Variants in ADGRL3 observed in about 807,000 individuals in gnomAD.
ADGRL3 encodes the protein calcium-independent alpha-latrotoxin receptor 3.
A neutral mutation model predicts 153.5 loss-of-function variants in ADGRL3; 62 were observed. The ratio of observed to expected loss-of-function variants is 0.40; its 90% CI spans 0.33 to 0.50. ADGRL3 has a LOEUF of 0.50. ADGRL3 is among the 20% of genes least tolerant of loss of function. The probability of loss-of-function intolerance (pLI) is 0.47; values close to 1 mark genes in which losing one functional copy is unlikely to be tolerated. For synonymous variants in ADGRL3, 710 were observed against 672.5 expected (o/e 1.06, Z -0.86); for missense variants, 1,641 against 1,859.4 (o/e 0.88, Z 2.16).
intron 1 of ADGRL3, among the ~76,000 whole-genome samples, chr4:61,378,552 T>C (rs2096631492): frequency 6.6e-6 from 1 of 151,972 alleles, no homozygotes; most frequent in African/African-American, 2.4e-5. Context: ...TTTGAACAAG[T>C]GTACAGGGGA....
chr4:61,623,425 G>C (rs1312700226), intron 5 of ADGRL3, among the ~76,000 whole-genome samples: 1 of 151,938 alleles, frequency 6.6e-6, no homozygotes. Context: ...GAAGTATGTA[G>C]TCACAGCCCT....
chr4:61,971,185 T>C (rs1293194230), intron 17 of ADGRL3, among the ~76,000 whole-genome samples: 1 of 151,854 alleles, frequency 6.6e-6, no homozygotes, highest in African/African-American at 2.4e-5. Context: ...ACTTTAAGTT[T>C]TAGGGTACAT....
intron 8 of ADGRL3, among the ~76,000 whole-genome samples, chr4:61,808,732 G>GTGTTTGTTTGTT (rs539186158): frequency 1.8e-3 from 268 of 148,848 alleles, no homozygotes; most frequent in African/African-American, 4.6e-3. Flanking sequence ...ATGGGTTTTT[G>GTGTTTGTTTGTT]TGTTTGTTTG....
At chr4:61,969,254 T>G (rs568590670) in intron 17 of ADGRL3, among the ~76,000 whole-genome samples, 12 of 152,234 alleles carry the variant, frequency 7.9e-5, no homozygotes, top group Non-Finnish European at 1.6e-4. Flanking sequence ...TTCAAGCTAA[T>G]TTAACAACTG....
intron 1 of ADGRL3, among the ~76,000 whole-genome samples, chr4:61,291,609 C>CATATATATATATAT (rs1198831680): frequency 2.2e-4 from 2 of 9,014 alleles, no homozygotes; most frequent in South Asian, 3.0e-3. Flanking sequence ...TATATACACA[C>CATATATATATATAT]ACATATATAT....
At chr4:61,512,995 A>G (rs575257370) in intron 3 of ADGRL3, among the ~76,000 whole-genome samples, 1 of 152,280 alleles carries the variant, frequency 6.6e-6, no homozygotes, top group South Asian at 2.1e-4. Flanking sequence ...CTAAACCACA[A>G]AAGTAAATGA....
chr4:61,211,469 G>A (rs1267474657), intron 1 of ADGRL3, among the ~76,000 whole-genome samples: 1 of 152,156 alleles, frequency 6.6e-6, no homozygotes, highest in Non-Finnish European at 1.5e-5. Context: ...TGGATAGTTA[G>A]CTTGAAGAAG....
chr4:61,375,851 C>A (rs2096596675), intron 1 of ADGRL3, among the ~76,000 whole-genome samples: 4 of 152,034 alleles, frequency 2.6e-5, no homozygotes, highest in Admixed American at 2.6e-4. Flanking sequence ...CACTTAATTG[C>A]AGGTATATAT....
chr4:61,956,206 T>C (rs1345430040), intron 17 of ADGRL3, among the ~76,000 whole-genome samples: 1 of 152,152 alleles, frequency 6.6e-6, no homozygotes, highest in African/African-American at 2.4e-5. Flanking sequence ...CTGTGTTGTT[T>C]CTTGACTTTT....
chr4:61,413,067 C>T (rs2097105900), intron 2 of ADGRL3, among the ~76,000 whole-genome samples: 1 of 152,126 alleles, frequency 6.6e-6, no homozygotes, highest in Non-Finnish European at 1.5e-5. Context: ...GGTTTCTTTT[C>T]TCACAGGAAG....
intron 9 of ADGRL3, among the ~76,000 whole-genome samples, chr4:61,845,206 CCTTTT>C (rs1272022911): frequency 2.0e-5 from 3 of 152,032 alleles, no homozygotes; most frequent in African/African-American, 7.2e-5. Flanking sequence ...TGCCCCCTCA[CCTTTT>C]CTTTTGGGGA....
At chr4:61,982,112 C>T (rs2099070477) in intron 18 of ADGRL3, among the ~76,000 whole-genome samples, 2 of 152,134 alleles carry the variant, frequency 1.3e-5, no homozygotes, top group African/African-American at 4.8e-5. Flanking sequence ...CTCTTGTTAG[C>T]TTGCAATTCA....
chr4:61,605,089 C>CA (rs71211396), intron 5 of ADGRL3, among the ~76,000 whole-genome samples: 1,198 of 61,396 alleles, frequency 0.02, 51 homozygotes, highest in East Asian at 0.12. Context: ...GACTCTGTCT[C>CA]AAAAAAAAAA....
At chr4:61,279,414 A>G (rs776904755) in intron 1 of ADGRL3, among the ~76,000 whole-genome samples, 4 of 152,172 alleles carry the variant, frequency 2.6e-5, no homozygotes, top group Non-Finnish European at 4.4e-5. Context: ...CCATTCATCC[A>G]TTCAAAATAT....
intron 25 of ADGRL3, 143 bp downstream of exon 25, chr4:62,044,692 A>C (rs1730166864): frequency 3.6e-5 from 19 of 522,112 alleles, no homozygotes; most frequent in Non-Finnish European, 6.5e-5. Flanking sequence ...GAGTGTAGCA[A>C]TGTGTTCCAT....
chr4:61,332,084 A>C (rs2095584287), intron 1 of ADGRL3, among the ~76,000 whole-genome samples: 1 of 152,138 alleles, frequency 6.6e-6, no homozygotes, highest in East Asian at 1.9e-4. Flanking sequence ...ATCACATGTA[A>C]CTTGTAAGGA....
intron 5 of ADGRL3, among the ~76,000 whole-genome samples, chr4:61,656,630 A>G (rs2094449896): frequency 6.6e-6 from 1 of 152,184 alleles, no homozygotes; most frequent in Non-Finnish European, 1.5e-5. Flanking sequence ...TGTTTTTTAC[A>G]AAAGGTATTT....
chr4:62,020,452 C>T (rs1466573318), intron 21 of ADGRL3, among the ~76,000 whole-genome samples: 1 of 151,764 alleles, frequency 6.6e-6, no homozygotes, highest in Non-Finnish European at 1.5e-5. Context: ...CAAAAGTGAA[C>T]CAGGAAACAT....
chr4:61,982,169 G>A (rs1448000110), intron 18 of ADGRL3, among the ~76,000 whole-genome samples: 1 of 151,980 alleles, frequency 6.6e-6, no homozygotes, highest in Non-Finnish European at 1.5e-5. Flanking sequence ...TCTTATTTTT[G>A]TTTCCTGATG....
Sources: gnomAD v4.1 joint callset for allele counts (sites outside exome capture counted in the v4.1 genomes callset) on GRCh38, gnomAD v4.1.1 for gene constraint, MANE v1.5 for transcripts, NCBI Gene and HGNC (gene_info 2026-07-23, HGNC 2026-07-21) for gene names.